Variants in CRYBG1 observed in about 807,000 individuals in gnomAD.
CRYBG1 encodes beta/gamma crystallin domain-containing protein 1.
Under a neutral mutation model 189.2 loss-of-function variants are expected in CRYBG1, and 139 were observed. That is an observed-to-expected ratio of 0.73 (90% CI 0.64 to 0.85). The LOEUF is 0.85. Ranked by LOEUF, CRYBG1 falls within the 40% of genes least tolerant of loss-of-function variation. CRYBG1 has a pLI of 0.00. For missense variants in CRYBG1, 2,611 were observed against 2,675.8 expected (o/e 0.98, Z 0.53); for synonymous variants, 1,023 against 1,017.1 (o/e 1.01, Z -0.11).
chr6:106,450,148 G>A (rs1245351122), intron 1 of CRYBG1, among the ~76,000 whole-genome samples: 1 of 151,450 alleles, frequency 6.6e-6, no homozygotes, highest in East Asian at 1.9e-4. Flanking sequence ...AACCCGGGAG[G>A]TGGAGGTTGC....
intron 5 of CRYBG1, 21 bp from the exon 6 acceptor site, chr6:106,525,247 A>G: frequency 6.2e-7 from 1 of 1,611,160 alleles, no homozygotes; most frequent in Non-Finnish European, 8.5e-7. Flanking sequence ...AAAGTGTGCT[A>G]CCACTTTCGT....
intron 1 of CRYBG1, among the ~76,000 whole-genome samples, chr6:106,391,927 ACGTGTGTGTGTGTG>A (rs1369919492): frequency 7.7e-6 from 1 of 130,100 alleles, no homozygotes. Flanking sequence ...GTTGTTTAAA[ACGTGTGTGTGTGTG>A]TGTGTGTGTG....
intron 1 of CRYBG1, among the ~76,000 whole-genome samples, chr6:106,374,733 A>C (rs1273795308): frequency 6.6e-6 from 1 of 152,234 alleles, no homozygotes; most frequent in African/African-American, 2.4e-5. Context: ...ATTTATATCT[A>C]TAATGTAAAG....
At position 106,512,358 on chromosome 6, in the gene CRYBG1, G is replaced by A. The variant is rs2114524475; in HGVS notation, c.1241G>A (p.Ser414Asn). Reference sequence around the variant, plus strand: ...TGGGACGACATGGAGAAGAGGTCCAGCGGCCGTAGGTCGGGGAGGCGGAGG... The same window carrying A: ...TGGGACGACATGGAGAAGAGGTCCAACGGCCGTAGGTCGGGGAGGCGGAGG... ...GDWDDMEKRS[S>N]GRRSGRRRGS... is the part of the protein sequence containing the mutation. The change falls in exon 3 of 22, where the codon AGC (serine) becomes AAC (asparagine). Residue 414 changes from serine to asparagine, a missense_variant. Ser to Asn is a conservative substitution (Grantham distance 46). Coordinates refer to ENST00000633556, the MANE Select transcript of CRYBG1 (RefSeq NM_001371242.2). 1.2e-6 allele frequency: 2 copies of A among 1,611,490 alleles called. No individual in the cohort carries two copies. Among genetic ancestry groups the A allele is most frequent in the Non-Finnish European group, 1.7e-6 (2 of 1,179,458 alleles).
intron 1 of CRYBG1, among the ~76,000 whole-genome samples, chr6:106,377,830 A>T (rs1770202539): frequency 6.6e-6 from 1 of 152,068 alleles, no homozygotes; most frequent in South Asian, 2.1e-4. Context: ...AGTATACAAA[A>T]TTTCCATCAT....
intron 1 of CRYBG1, among the ~76,000 whole-genome samples, chr6:106,394,976 C>A (rs1297163326): frequency 6.6e-6 from 1 of 151,576 alleles, no homozygotes; most frequent in African/African-American, 2.4e-5. Context: ...CTGTCTCAGC[C>A]TCCCAAGTAG....
At chr6:106,399,310 C>T (rs887831996) in intron 1 of CRYBG1, among the ~76,000 whole-genome samples, 4 of 152,186 alleles carry the variant, frequency 2.6e-5, no homozygotes, top group Non-Finnish European at 5.9e-5. Flanking sequence ...TTCAACTTTC[C>T]ACCCTTTAAT....
rs190506821 is a variant in CRYBG1, at chr6:106,457,583, C to A, written c.312+5751C>A. Reference sequence around the variant, plus strand: ...CTTACTAGTGTCATCCATCTGGACACCCCAGCACTTCTATTGGGATGTCAT... The same window carrying A: ...CTTACTAGTGTCATCCATCTGGACAACCCAGCACTTCTATTGGGATGTCAT... On this transcript the variant is annotated intron_variant, in intron 2 of 21. Coordinates refer to ENST00000633556, the MANE Select transcript of CRYBG1 (RefSeq NM_001371242.2). Among the ~76,000 whole-genome samples the A allele has an allele frequency of 6.0e-4, 92 of 152,334 alleles. 1 individual carries two copies. The highest frequency in any genetic ancestry group is 1.5e-4 in the Non-Finnish European group (10 of 68,026).
chr6:106,518,597 T>C (rs1159686038), intron 3 of CRYBG1, among the ~76,000 whole-genome samples: 1 of 152,170 alleles, frequency 6.6e-6, no homozygotes, highest in Non-Finnish European at 1.5e-5. Context: ...ATCCCTCATA[T>C]GCAAGCAAAA....
At chr6:106,366,262 G>T (rs2114290727) in intron 1 of CRYBG1, among the ~76,000 whole-genome samples, 1 of 152,128 alleles carries the variant, frequency 6.6e-6, no homozygotes, top group South Asian at 2.1e-4. Flanking sequence ...TTTGTTTTAT[G>T]TAATGTTAGA....
chr6:106,503,795 C>T (rs1470117003), intron 2 of CRYBG1, among the ~76,000 whole-genome samples: 1 of 152,060 alleles, frequency 6.6e-6, no homozygotes, highest in African/African-American at 2.4e-5. Flanking sequence ...ACAATACCAA[C>T]CCGAAACTGG....
chr6:106,511,826 C>A lies in CRYBG1; in HGVS notation c.709C>A (p.Pro237Thr). 2.6e-6 allele frequency: 4 copies of A among 1,518,632 alleles called. No homozygotes were observed. The highest frequency in any genetic ancestry group is 1.7e-4 in the Middle Eastern group (1 of 5,900). The allele number at this position is 1,518,632 out of a possible 1,614,324, so 94.1% of individuals were successfully genotyped here. A position where few individuals can be genotyped will look rare whatever the true frequency, so the allele number is the denominator to read the frequency against. Reference protein sequence around the residue: ...CHENDSPQLEPLEAEGEPFPD... With the variant: ...CHENDSPQLETLEAEGEPFPD... ...TGAAAATGATTCACCCCAATTAGAA[C>A]CTCTGGAGGCAGAGGGAGAGCCTTT... Residue 237 changes from proline (P) to threonine (T), a missense_variant, in exon 3 of 22, where the codon CCT (proline) becomes ACT (threonine). Pro to Thr is a conservative substitution (Grantham distance 38). Coordinates refer to ENST00000633556, the MANE Select transcript of CRYBG1 (RefSeq NM_001371242.2).
chr6:106,452,884 C>T (rs1432338547), intron 2 of CRYBG1, among the ~76,000 whole-genome samples: 2 of 152,084 alleles, frequency 1.3e-5, no homozygotes, highest in Non-Finnish European at 2.9e-5. Context: ...AGTTTAGCTG[C>T]CAGGCCTGAA....
At chr6:106,554,510 G>A (rs1342070307) in intron 16 of CRYBG1, among the ~76,000 whole-genome samples, 2 of 152,154 alleles carry the variant, frequency 1.3e-5, no homozygotes, top group Non-Finnish European at 2.9e-5. Flanking sequence ...TACTTGGGAG[G>A]CTGAGGCAGG....
At chr6:106,539,295 C>A (rs1338839276) in intron 8 of CRYBG1, 108 bp from the exon 9 acceptor site, 17 of 1,322,068 alleles carry the variant, frequency 1.3e-5, no homozygotes, top group Non-Finnish European at 1.0e-6. Flanking sequence ...TATGTAGGTC[C>A]GTATCCTCTC....
Position 106,544,821 on chromosome 6 carries a change from GA to G in CRYBG1, c.5207del (p.Asn1736ThrfsTer18). 1 of 1,608,896 alleles carries G rather than the reference GA, an allele frequency of 6.2e-7. No homozygotes were observed. Among genetic ancestry groups the G allele is most frequent in the Non-Finnish European group, 8.5e-7 (1 of 1,178,682 alleles). ...AAATGCTCACATGATAATGTACAGT[GA>G]AAAAAACTTTGGATCCAAAGGTTCC... is the stretch of plus-strand genomic sequence containing the variant. ...FSNAHMIMYSEKNFGSKGSSI... is the reference protein window; with the variant it reads ...FSNAHMIMYSXKNFGSKGSSI... On this transcript the variant is annotated frameshift_variant, in exon 13 of 22. Transcript: ENST00000633556. LOFTEE classifies it high-confidence loss of function.
chr6:106,491,654 C>G (rs1199218634), intron 2 of CRYBG1, among the ~76,000 whole-genome samples: 2 of 152,120 alleles, frequency 1.3e-5, no homozygotes, highest in Non-Finnish European at 2.9e-5. Flanking sequence ...TTTCCTCCCT[C>G]CATTTCCATA....
At chr6:106,367,035 C>T (rs79763115) in intron 1 of CRYBG1, among the ~76,000 whole-genome samples, 4,882 of 152,280 alleles carry the variant, frequency 0.032, 179 homozygotes, top group East Asian at 0.16. Flanking sequence ...ATATATCTCA[C>T]TGAGGAAGCC....
At chr6:106,478,577 G>GT (rs1443073101) in intron 2 of CRYBG1, among the ~76,000 whole-genome samples, 3 of 152,144 alleles carry the variant, frequency 2.0e-5, no homozygotes, top group Non-Finnish European at 2.9e-5. Context: ...TACAACACAT[G>GT]TAAGTGCCAC....
Sources: allele counts gnomAD v4.1 joint callset (sites outside exome capture counted in the v4.1 genomes callset), GRCh38; gene constraint gnomAD v4.1.1; transcripts MANE v1.5; gene names NCBI Gene and HGNC (gene_info 2026-07-23, HGNC 2026-07-21).